The following OTOGL variants were observed in gnomAD, a reference collection of about 807,000 sequenced individuals.
OTOGL encodes the protein otogelin like, also known as otogelin-like protein.
In OTOGL, 285 loss-of-function variants were observed where a neutral mutation model predicts 318.5. That is an observed-to-expected ratio of 0.89 (90% CI 0.81 to 0.99). The LOEUF (loss-of-function observed/expected upper bound fraction) is 0.99, where lower values mean the gene tolerates loss of function less well. Ranked by LOEUF, OTOGL falls within the 50% of genes least tolerant of loss-of-function variation. The pLI is 0.00. For missense variants in OTOGL, 2,899 were observed against 2,845.6 expected, an observed-to-expected ratio of 1.02 and a Z score of -0.43; for synonymous variants, 987 against 936.5, an observed-to-expected ratio of 1.05 and a Z score of -0.99.
At chr12:80,367,771 A>G in intron 54 of OTOGL, 32 bp downstream of exon 54, 1 of 1,297,934 alleles carries the variant, frequency 7.7e-7, no homozygotes, top group Non-Finnish European at 1.0e-6. Context: ...TTCTGGTGAG[A>G]GTTAATGCAT....
intron 46 of OTOGL, among the ~76,000 whole-genome samples, chr12:80,355,356 C>G (rs537391411): frequency 6.6e-6 from 1 of 151,080 alleles, no homozygotes; most frequent in Non-Finnish European, 1.5e-5. Context: ...TCCTGAGTAG[C>G]TGGGACTACA....
chr12:80,269,164 A>AT (rs915590131), intron 22 of OTOGL, among the ~76,000 whole-genome samples: 2 of 152,084 alleles, frequency 1.3e-5, no homozygotes, highest in African/African-American at 4.8e-5. Context: ...TGCATTGCAT[A>AT]TTTTTTATGT....
intron 1 of OTOGL, chr12:80,133,484 A>AT (rs1454268408): frequency 2.0e-5 from 3 of 152,054 alleles, no homozygotes; most frequent in Middle Eastern, 3.4e-3. Context: ...TTTCTTCTTT[A>AT]TTTTTTGTTA....
chr12:80,230,244 A>C (rs1879245090), intron 8 of OTOGL, among the ~76,000 whole-genome samples: 1 of 152,160 alleles, frequency 6.6e-6, no homozygotes, highest in African/African-American at 2.4e-5. Flanking sequence ...AAAAGGCAGC[A>C]GGTGGTAGCA....
chr12:80,316,908 C>T (rs1887006571), intron 32 of OTOGL, among the ~76,000 whole-genome samples: 1 of 152,068 alleles, frequency 6.6e-6, no homozygotes, highest in Non-Finnish European at 1.5e-5. Context: ...TTATTTGTTA[C>T]ATGCCAGACA....
intron 45 of OTOGL, 147 bp from the exon 46 acceptor site, chr12:80,353,178 G>C (rs1347939173): frequency 3.9e-6 from 2 of 517,818 alleles, no homozygotes; most frequent in East Asian, 6.6e-5. Flanking sequence ...TCTGATTTAT[G>C]GTTACAGAGT....
At chr12:80,159,414 T>C (rs920633748) in intron 1 of OTOGL, among the ~76,000 whole-genome samples, 2 of 152,124 alleles carry the variant, frequency 1.3e-5, no homozygotes, top group Admixed American at 1.3e-4. Context: ...ACGGTACAAA[T>C]TCTCTTTGAA....
At position 80,307,838 on chromosome 12, in the gene OTOGL, C is replaced by G. The variant is rs1406893505; in HGVS notation, c.3333+2143C>G. On this transcript the variant is annotated intron_variant, in intron 29 of 58. Transcript: ENST00000547103. ...GGCCGGGCAGAGGCACCCCTCACCT[C>G]CCGGACAGGGCGGCTGGCCGGGCGG... is the stretch of plus-strand genomic sequence containing the variant. Among the ~76,000 whole-genome samples, 565 of 129,356 alleles carry G rather than the reference C, an allele frequency of 4.4e-3. 3 individuals carry two copies. Among genetic ancestry groups the G allele is most frequent in the African/African-American group, 0.019 (525 of 27,534 alleles). The allele number at this position is 129,356 out of a possible 152,430, so 84.9% of individuals were successfully genotyped here. A position where few individuals can be genotyped will look rare whatever the true frequency, so the allele number is the denominator to read the frequency against.
At chr12:80,102,519 T>G (rs1407104717) in intron 1 of OTOGL, among the ~76,000 whole-genome samples, 1 of 152,208 alleles carries the variant, frequency 6.6e-6, no homozygotes, top group Non-Finnish European at 1.5e-5. Context: ...TAGCTTTAAG[T>G]ATTTCTTGAA....
intron 1 of OTOGL, among the ~76,000 whole-genome samples, chr12:80,125,002 C>T (rs71463856): frequency 0.064 from 9,729 of 152,254 alleles, 429 homozygotes; most frequent in Non-Finnish European, 0.098. Flanking sequence ...AATTTGACTT[C>T]CTCTTTTCCT....
chr12:80,202,323 T>G (rs951178103), intron 1 of OTOGL, among the ~76,000 whole-genome samples: 4 of 149,476 alleles, frequency 2.7e-5, no homozygotes, highest in African/African-American at 9.9e-5. Context: ...CAGGCTGGAG[T>G]GCAATGGTGT....
chr12:80,332,473 C>T lies in OTOGL; in HGVS notation c.4349-532C>T, dbSNP rs530978884. Among the ~76,000 whole-genome samples, 3 of 152,222 alleles carry T rather than the reference C, an allele frequency of 2.0e-5. No individual in the cohort carries two copies. The South Asian group carries it at 6.2e-4, about 32-fold the overall frequency. On this transcript the variant is annotated intron_variant, in intron 37 of 58. Coordinates refer to ENST00000547103, the MANE Select transcript of OTOGL (RefSeq NM_001378609.3). Reference sequence around the variant, plus strand: ...GAAGGTGCCTCACAGATGTGTTTACCAATCACATCTCCCTTTTCTATGGGT... The same window carrying T: ...GAAGGTGCCTCACAGATGTGTTTACTAATCACATCTCCCTTTTCTATGGGT...
chr12:80,187,335 A>T (rs530525777), intron 1 of OTOGL, among the ~76,000 whole-genome samples: 1 of 152,208 alleles, frequency 6.6e-6, no homozygotes, highest in Non-Finnish European at 1.5e-5. Flanking sequence ...TAGGAGGTAA[A>T]GTTTACTTCT....
intron 43 of OTOGL, 141 bp downstream of exon 43, chr12:80,339,405 A>C (rs1421419043): frequency 1.5e-6 from 1 of 681,752 alleles, no homozygotes; most frequent in African/African-American, 1.9e-5. Flanking sequence ...TTCCCATGTA[A>C]ATACGGAAGG....
chr12:80,154,500 G>C (rs141816624), intron 1 of OTOGL, among the ~76,000 whole-genome samples: 1 of 151,882 alleles, frequency 6.6e-6, no homozygotes, highest in Non-Finnish European at 1.5e-5. Context: ...TTCCATGTTC[G>C]TCCTATAAAA....
intron 1 of OTOGL, among the ~76,000 whole-genome samples, chr12:80,138,930 A>C (rs773577669): frequency 3.9e-5 from 6 of 152,156 alleles, no homozygotes; most frequent in Admixed American, 6.6e-5. Flanking sequence ...TGTGGTAAAC[A>C]TTTAGACTAT....
intron 1 of OTOGL, among the ~76,000 whole-genome samples, chr12:80,121,117 T>C (rs946568401): frequency 6.6e-6 from 1 of 152,160 alleles, no homozygotes; most frequent in Non-Finnish European, 1.5e-5. Context: ...AGGCCTCTGT[T>C]ACAACTGCCT....
Position 80,328,702 on chromosome 12 carries a change from A to T in OTOGL, c.4237A>T (p.Ile1413Phe), listed in dbSNP as rs1887866218. The change falls in exon 36 of 59, where the codon ATC becomes TTC. Residue 1413 changes from isoleucine to phenylalanine, a missense_variant. Transcript: ENST00000547103. ...CTTGCCCTACTGCCCTAAAAATATG[A>T]TCCTTGATGAGGTCACCCTCAAGTG... ...GCLPYCPKNM[I>F]LDEVTLKCVY... 1.2e-6 allele frequency: 2 copies of T among 1,607,228 alleles called. No homozygotes were observed. Among genetic ancestry groups the T allele is most frequent in the Non-Finnish European group, 1.7e-6 (2 of 1,173,928 alleles).
intron 24 of OTOGL, among the ~76,000 whole-genome samples, chr12:80,274,858 GC>G (rs1883677452): frequency 6.6e-6 from 1 of 151,966 alleles, no homozygotes; most frequent in African/African-American, 2.4e-5. Context: ...GAACAACAAA[GC>G]CTGGGTGGCA....
Sources: allele counts gnomAD v4.1 joint callset (sites outside exome capture counted in the v4.1 genomes callset), GRCh38; gene constraint gnomAD v4.1.1; transcripts MANE v1.5; gene names NCBI Gene and HGNC (gene_info 2026-07-23, HGNC 2026-07-21).